The following IL1RAPL1 variants were observed in gnomAD, a reference collection of about 807,000 sequenced individuals.
The protein encoded by IL1RAPL1 is interleukin-1 receptor accessory protein-like 1.
In IL1RAPL1, 3 loss-of-function variants were observed where a neutral mutation model predicts 48.4. The ratio of observed to expected loss-of-function variants is 0.06; its 90% CI spans 0.03 to 0.16. IL1RAPL1 has a LOEUF of 0.16. IL1RAPL1 is among the 10% of genes least tolerant of loss of function. The pLI is 1.00. For synonymous variants in IL1RAPL1, 185 were observed against 187.7 expected (o/e 0.99, Z 0.12); for missense variants, 349 against 530.6 (o/e 0.66, Z 3.36).
chrX:29,088,030 T>C (rs1927993392), intron 2 of IL1RAPL1, among the ~76,000 whole-genome samples: 1 of 111,984 alleles, frequency 8.9e-6, no homozygotes, highest in South Asian at 3.7e-4. Flanking sequence ...CGAGATCCTG[T>C]CTCAACAACA....
At chrX:29,011,039 A>G (rs1291043587) in intron 2 of IL1RAPL1, among the ~76,000 whole-genome samples, 1 of 111,928 alleles carries the variant, frequency 8.9e-6, no homozygotes, top group East Asian at 2.8e-4. Context: ...TACTTTTATC[A>G]TTGTTTAGAA....
intron 1 of IL1RAPL1, among the ~76,000 whole-genome samples, chrX:28,749,504 A>G (rs1040957526): frequency 3.6e-5 from 4 of 111,360 alleles, no homozygotes; most frequent in Non-Finnish European, 1.9e-5. Flanking sequence ...GCATTTCTCT[A>G]ATGATTAGTG....
intron 2 of IL1RAPL1, among the ~76,000 whole-genome samples, chrX:28,838,428 C>A (rs1005524689): frequency 9.0e-6 from 1 of 110,564 alleles, no homozygotes; most frequent in African/African-American, 3.3e-5. Flanking sequence ...CTGGAAATAA[C>A]CGGAAGTAAA....
chrX:29,918,792 AT>A (rs1932824134), intron 7 of IL1RAPL1, among the ~76,000 whole-genome samples: 1 of 112,344 alleles, frequency 8.9e-6, no homozygotes, highest in Non-Finnish European at 1.9e-5. Flanking sequence ...TTATTTATTC[AT>A]TTAAGTATCA....
At chrX:29,227,949 C>T (rs1931112389) in intron 2 of IL1RAPL1, among the ~76,000 whole-genome samples, 1 of 110,993 alleles carries the variant, frequency 9.0e-6, no homozygotes, top group South Asian at 3.8e-4. Context: ...TGGTTTAAAC[C>T]AGGTTGTCTG....
At chrX:29,802,860 TGTAC>T (rs1301039639) in intron 6 of IL1RAPL1, among the ~76,000 whole-genome samples, 14 of 90,971 alleles carry the variant, frequency 1.5e-4, no homozygotes, top group African/African-American at 5.7e-4. Context: ...TGTATATACG[TGTAC>T]ATATGTATAC....
chrX:28,892,270 G>A (rs1401442457), intron 2 of IL1RAPL1, among the ~76,000 whole-genome samples: 1 of 107,210 alleles, frequency 9.3e-6, no homozygotes, highest in Admixed American at 1.0e-4. Context: ...GGTAGGTAAA[G>A]GAAAATTACA....
At chrX:29,097,059 A>AGTC (rs1928231120) in intron 2 of IL1RAPL1, among the ~76,000 whole-genome samples, 1 of 112,050 alleles carries the variant, frequency 8.9e-6, no homozygotes, top group Non-Finnish European at 1.9e-5. Flanking sequence ...TTTAAGCTAT[A>AGTC]AATTTAGTCA....
intron 1 of IL1RAPL1, among the ~76,000 whole-genome samples, chrX:28,735,543 C>T (rs1035795788): frequency 3.6e-5 from 4 of 110,297 alleles, no homozygotes; most frequent in African/African-American, 1.3e-4. Flanking sequence ...TTTGGGAGGC[C>T]GAGGTGGAAG....
intron 2 of IL1RAPL1, among the ~76,000 whole-genome samples, chrX:28,920,183 A>G (rs868656035): frequency 8.9e-6 from 1 of 112,017 alleles, no homozygotes; most frequent in Admixed American, 9.5e-5. Flanking sequence ...CTTGTCTTGG[A>G]AAACCTCAAC....
intron 6 of IL1RAPL1, among the ~76,000 whole-genome samples, chrX:29,821,113 C>T (rs1459920509): frequency 7.2e-5 from 8 of 111,480 alleles, no homozygotes; most frequent in African/African-American, 9.8e-5. Context: ...CTTATTTATG[C>T]AGGTGAATAA....
intron 2 of IL1RAPL1, among the ~76,000 whole-genome samples, chrX:29,159,468 A>G (rs1929638456): frequency 8.9e-6 from 1 of 111,958 alleles, no homozygotes; most frequent in Non-Finnish European, 1.9e-5. Context: ...AGCTAAGTGC[A>G]TTGTATAAAA....
intron 8 of IL1RAPL1, among the ~76,000 whole-genome samples, chrX:29,931,041 C>A (rs1231088380): frequency 9.0e-6 from 1 of 111,668 alleles, no homozygotes; most frequent in Non-Finnish European, 1.9e-5. Flanking sequence ...CCACAGACTT[C>A]TTCTCAAGTT....
chrX:29,107,742 A>G (rs1928476786), intron 2 of IL1RAPL1, among the ~76,000 whole-genome samples: 1 of 112,276 alleles, frequency 8.9e-6, no homozygotes. Context: ...ATTTTACCTG[A>G]TCCACTTACA....
chrX:29,713,904 A>G (rs1480939126), intron 6 of IL1RAPL1, among the ~76,000 whole-genome samples: 1 of 112,235 alleles, frequency 8.9e-6, no homozygotes, highest in Admixed American at 9.5e-5. Flanking sequence ...TAAGTTTTAC[A>G]TCTAACATTT....
chrX:29,359,636 C>T (rs375503657), intron 3 of IL1RAPL1, among the ~76,000 whole-genome samples: 1 of 112,022 alleles, frequency 8.9e-6, no homozygotes, highest in Non-Finnish European at 1.9e-5. Flanking sequence ...TATAGCTATC[C>T]TCCCTTCTTT....
chrX:29,126,136 A>G (rs1218893491), intron 2 of IL1RAPL1, among the ~76,000 whole-genome samples: 1 of 111,586 alleles, frequency 9.0e-6, no homozygotes, highest in African/African-American at 3.3e-5. Context: ...ATTTTACAGT[A>G]TGGTATCATG....
intron 5 of IL1RAPL1, among the ~76,000 whole-genome samples, chrX:29,649,512 A>G (rs1013573365): frequency 8.9e-6 from 1 of 112,219 alleles, no homozygotes; most frequent in Non-Finnish European, 1.9e-5. Context: ...TCATTTCAAT[A>G]GTTGCAGAAA....
At chrX:28,803,227 C>T (rs1168267409) in intron 2 of IL1RAPL1, among the ~76,000 whole-genome samples, 2 of 111,153 alleles carry the variant, frequency 1.8e-5, no homozygotes, top group Admixed American at 9.6e-5. Flanking sequence ...ATTCAGGTGT[C>T]GAAAGGAGAA....
Sources: gnomAD v4.1 joint callset for allele counts (sites outside exome capture counted in the v4.1 genomes callset) on GRCh38, gnomAD v4.1.1 for gene constraint, MANE v1.5 for transcripts, NCBI Gene and HGNC (gene_info 2026-07-23, HGNC 2026-07-21) for gene names.